The following TOP1 variants were observed in gnomAD, a reference collection of about 807,000 sequenced individuals.
TOP1 encodes DNA topoisomerase I.
In TOP1, 10 loss-of-function variants were observed where a neutral mutation model predicts 111.1. The observed-to-expected ratio is 0.09, with a 90% CI of 0.06 to 0.15. TOP1 has a LOEUF of 0.15. Among genes scored for constraint, TOP1 ranks in the 10% least tolerant of loss-of-function variants. The pLI, the probability that TOP1 is intolerant of heterozygous loss-of-function variation, is 1.00. For missense variants in TOP1, 474 were observed against 926.7 expected (o/e 0.51, Z 6.34); for synonymous variants, 271 against 302.9 (o/e 0.89, Z 1.10).
Position 41,092,431 on chromosome 20 carries a change from CA to C in TOP1, c.615-39del. ...AATCAGTGATGATCCCCATGTTAGA[CA>C]AGGCGATCACTAAATGAGGCTGTGC... On this transcript the variant is annotated intron_variant, in intron 8 of 20. Transcript: ENST00000361337. This position sits in a 1 kb window ranked among gnomAD's most constrained non-coding sequence, Gnocchi z 4.3. The C allele has an allele frequency of 1.0e-6, 1 of 988,758 alleles. No individual in the cohort carries two copies. Among genetic ancestry groups the C allele is most frequent in the Non-Finnish European group, 1.5e-6 (1 of 659,764 alleles). 61.2% of individuals were successfully genotyped at this position (988,758 alleles called of 1,614,324 possible). A position where few individuals can be genotyped will look rare whatever the true frequency, so the allele number is the denominator to read the frequency against.
intron 2 of TOP1, among the ~76,000 whole-genome samples, chr20:41,047,034 G>A (rs2033343311): frequency 2.6e-5 from 4 of 152,232 alleles, no homozygotes; most frequent in African/African-American, 9.7e-5. Context: ...GCTGAGGTGT[G>A]TTAGACGGGA....
At chr20:41,043,968 A>G (rs2033300028) in intron 2 of TOP1, among the ~76,000 whole-genome samples, 2 of 152,220 alleles carry the variant, frequency 1.3e-5, no homozygotes, top group African/African-American at 4.8e-5. Context: ...GACTTGTTAT[A>G]GAGCAGTATT....
At chr20:41,065,084 T>C (rs2033591187) in intron 3 of TOP1, among the ~76,000 whole-genome samples, 1 of 152,144 alleles carries the variant, frequency 6.6e-6, no homozygotes, top group Admixed American at 6.5e-5. Flanking sequence ...TTTGTATTTT[T>C]AGTAGAGACA....
At chr20:41,075,451 G>A (rs1027818048) in intron 3 of TOP1, among the ~76,000 whole-genome samples, 1 of 152,190 alleles carries the variant, frequency 6.6e-6, no homozygotes, top group Non-Finnish European at 1.5e-5. Context: ...GATTACAGGC[G>A]TGAGCCACCG....
Position 41,029,314 on chromosome 20 carries a change from C to T in TOP1, c.34-117C>T. The T allele has an allele frequency of 5.1e-6, 5 of 977,184 alleles. No individual in the cohort carries two copies. Among genetic ancestry groups the T allele is most frequent in the Non-Finnish European group, 7.2e-6 (5 of 694,378 alleles). 60.5% of individuals were successfully genotyped at this position (977,184 alleles called of 1,614,324 possible). A position where few individuals can be genotyped will look rare whatever the true frequency, so the allele number is the denominator to read the frequency against. On this transcript the variant is annotated intron_variant, in intron 1 of 20. Coordinates refer to ENST00000361337, the MANE Select transcript of TOP1 (RefSeq NM_003286.4). The surrounding 1 kb of genome is among the most constrained non-coding windows in gnomAD (Gnocchi z 6.1). ...AGGGATGGCTGCCCTCTGTGGCCACCCCCGGGTCCCCGTCCTCCCCGGGGG... is the reference window on the plus strand; with the variant it reads ...AGGGATGGCTGCCCTCTGTGGCCACTCCCGGGTCCCCGTCCTCCCCGGGGG...
intron 14 of TOP1, among the ~76,000 whole-genome samples, chr20:41,113,241 C>T (rs2034271124): frequency 6.6e-6 from 1 of 152,062 alleles, no homozygotes; most frequent in Non-Finnish European, 1.5e-5. Context: ...TCTTGGTACT[C>T]ACGAGAAGAA....
At chr20:41,111,516 A>AGAAGTGGAAGACATTCTTG (rs2034239248) in intron 13 of TOP1, among the ~76,000 whole-genome samples, 1 of 151,954 alleles carries the variant, frequency 6.6e-6, no homozygotes, top group Non-Finnish European at 1.5e-5. Context: ...TTTAGGATTG[A>AGAAGTGGAAGACATTCTTG]GAAGTGGAAG....
At chr20:41,099,447 TC>T (rs1056020900) in intron 11 of TOP1, among the ~76,000 whole-genome samples, 22 of 152,188 alleles carry the variant, frequency 1.4e-4, no homozygotes, top group Non-Finnish European at 2.5e-4. Context: ...CTGAATCTGT[TC>T]CCACCCACAA....
intron 2 of TOP1, among the ~76,000 whole-genome samples, chr20:41,055,348 A>G (rs1354035693): frequency 2.0e-5 from 3 of 152,248 alleles, no homozygotes; most frequent in Admixed American, 6.5e-5. Flanking sequence ...AAATAACACT[A>G]GTAGATGAAT....
At position 41,029,357 on chromosome 20, in the gene TOP1, C is replaced by T; in HGVS notation, c.34-74C>T. On this transcript the variant is annotated intron_variant, in intron 1 of 20. Transcript: ENST00000361337. The surrounding 1 kb of genome is among the most constrained non-coding windows in gnomAD (Gnocchi z 6.1). ...CCCGGGGGCGCAGGGTGAGCCAGAC[C>T]CCGGCCGCGCGCGCTCGCCGCCGGA... 2.9e-6 allele frequency: 4 copies of T among 1,371,118 alleles called. No homozygotes were observed. Among genetic ancestry groups the T allele is most frequent in the Non-Finnish European group, 3.9e-6 (4 of 1,037,382 alleles). 84.9% of individuals were successfully genotyped at this position (1,371,118 alleles called of 1,614,324 possible).
Position 41,097,257 on chromosome 20 carries a change from A to C in TOP1, c.768A>C (p.Val256=), listed in dbSNP as rs776079354. The change falls in exon 10 of 21, where the codon GTA becomes GTC. Residue 256 remains valine, a synonymous_variant. Coordinates refer to ENST00000361337, the MANE Select transcript of TOP1 (RefSeq NM_003286.4). This position sits in a 1 kb window ranked among gnomAD's most constrained non-coding sequence, Gnocchi z 4.2. ...VMKLSPKAEE[V]ATFFAKMLDH... is the part of the protein sequence containing the mutation. ...AGCTGAGCCCCAAAGCAGAGGAAGT[A>C]GCTACGTTCTTTGCAAAAATGCTCG... is the stretch of plus-strand genomic sequence containing the variant. 1 of 1,614,124 alleles carries C rather than the reference A, an allele frequency of 6.2e-7. No individual in the cohort carries two copies. The highest frequency in any genetic ancestry group is 1.1e-5 in the South Asian group (1 of 91,084).
At chr20:41,074,865 A>G (rs548644697) in intron 3 of TOP1, among the ~76,000 whole-genome samples, 149 of 152,364 alleles carry the variant, frequency 9.8e-4, no homozygotes, top group Non-Finnish European at 1.8e-3. Context: ...GTACTGAAAA[A>G]TAATAGTGTT....
chr20:41,052,304 A>C (rs1192894275), intron 2 of TOP1, among the ~76,000 whole-genome samples: 1 of 152,182 alleles, frequency 6.6e-6, no homozygotes, highest in African/African-American at 2.4e-5. Context: ...TGCCTCTATC[A>C]CATTAGGGTT....
rs963339689 is a variant in TOP1 at position 41,097,868 on chromosome 20, G to A, written c.853-347G>A. ...CTCAGAAAAAGCAGACTTAATAAATGAATAGAATAGGGGTAATGTTTCCAA... is the reference window on the plus strand; with the variant it reads ...CTCAGAAAAAGCAGACTTAATAAATAAATAGAATAGGGGTAATGTTTCCAA... On this transcript the variant is annotated intron_variant, in intron 10 of 20. Transcript: ENST00000361337. This position sits in a 1 kb window ranked among gnomAD's most constrained non-coding sequence, Gnocchi z 4.2. Among the ~76,000 whole-genome samples the A allele has an allele frequency of 3.9e-5, 6 of 152,166 alleles. No homozygotes were observed. The highest frequency in any genetic ancestry group is 6.5e-5 in the Admixed American group (1 of 15,274).
intron 2 of TOP1, among the ~76,000 whole-genome samples, chr20:41,056,247 T>G (rs2145924122): frequency 1.3e-5 from 2 of 152,336 alleles, no homozygotes; most frequent in South Asian, 4.1e-4. Context: ...TTAGTTTGTT[T>G]AAATGCTTTT....
Position 41,073,021 on chromosome 20 carries a change from A to G in TOP1, c.156-3150A>G, listed in dbSNP as rs533993296. ...CTCTAGCAGGAACTTTGAATTTCCT[A>G]TATACATCTCTTTCTGGTTAGCAGG... On this transcript the variant is annotated intron_variant, in intron 3 of 20. Transcript: ENST00000361337. 4.6e-5 allele frequency: 45 copies of G among 985,400 alleles called. No individual in the cohort carries two copies. The African/African-American group carries it at 7.0e-4, about 15-fold the overall frequency. The allele number at this position is 985,400 out of a possible 1,614,324, so 61.0% of individuals were successfully genotyped here. A position where few individuals can be genotyped will look rare whatever the true frequency, so the allele number is the denominator to read the frequency against.
At chr20:41,090,691 C>G (rs35128966) in intron 8 of TOP1, among the ~76,000 whole-genome samples, 18,798 of 151,140 alleles carry the variant, frequency 0.12, 1,420 homozygotes, top group South Asian at 0.25. Flanking sequence ...TTAGTAGAGA[C>G]GGGGGGGTCT....
At position 41,116,709 on chromosome 20, in the gene TOP1, G is replaced by A. The variant is rs2034336053; in HGVS notation, c.1822+317G>A. On this transcript the variant is annotated intron_variant, in intron 17 of 20. Transcript: ENST00000361337. The surrounding 1 kb of genome is among the most constrained non-coding windows in gnomAD (Gnocchi z 5.6). ...CACAGAGTGAAGACAGTGCTGTGATGTTCTGTTAAATTGGAGAGAGTAAAG... is the reference window on the plus strand; with the variant it reads ...CACAGAGTGAAGACAGTGCTGTGATATTCTGTTAAATTGGAGAGAGTAAAG... Among the ~76,000 whole-genome samples the A allele has an allele frequency of 1.3e-5, 2 of 152,212 alleles. No individual in the cohort carries two copies. The highest frequency in any genetic ancestry group is 1.3e-4 in the Admixed American group (2 of 15,294).
At chr20:41,040,312 TA>T (rs2033245521) in intron 2 of TOP1, among the ~76,000 whole-genome samples, 1 of 152,244 alleles carries the variant, frequency 6.6e-6, no homozygotes, top group African/African-American at 2.4e-5. Context: ...ATGTTAGACT[TA>T]CTGTGCCTTA....
Sources: gnomAD v4.1 joint callset for allele counts (sites outside exome capture counted in the v4.1 genomes callset) on GRCh38, gnomAD v4.1.1 for gene constraint, Gnocchi (gnomAD v3.1) non-coding constraint, MANE v1.5 for transcripts, NCBI Gene and HGNC (gene_info 2026-07-23, HGNC 2026-07-21) for gene names.